Variants in SPTBN1 observed in about 807,000 individuals in gnomAD.
SPTBN1 encodes spectrin beta, non-erythrocytic 1.
A neutral mutation model predicts 266.4 loss-of-function variants in SPTBN1; 32 were observed. That is an observed-to-expected ratio of 0.12 (90% CI 0.09 to 0.16). The LOEUF is 0.16. Among genes scored for constraint, SPTBN1 ranks in the 10% least tolerant of loss-of-function variants. SPTBN1 has a pLI of 1.00. For missense variants in SPTBN1, 2,296 were observed against 3,067.1 expected, an observed-to-expected ratio of 0.75 and a Z score of 5.94; for synonymous variants, 1,336 against 1,162.2, an observed-to-expected ratio of 1.15 and a Z score of -3.04.
At chr2:54,553,740 A>G (rs1672708257) in intron 2 of SPTBN1, among the ~76,000 whole-genome samples, 1 of 152,228 alleles carries the variant, frequency 6.6e-6, no homozygotes, top group Non-Finnish European at 1.5e-5. Flanking sequence ...TACAAATCCC[A>G]TCACATTTTG....
intron 18 of SPTBN1, among the ~76,000 whole-genome samples, chr2:54,642,529 G>GTTTGTT (rs1553349791): frequency 9.5e-4 from 88 of 92,310 alleles, no homozygotes; most frequent in African/African-American, 2.4e-3. Context: ...TAAATAAGTA[G>GTTTGTT]TTTTTTTTTT....
At chr2:54,584,659 C>T (rs972907831) in intron 2 of SPTBN1, among the ~76,000 whole-genome samples, 6 of 152,192 alleles carry the variant, frequency 3.9e-5, no homozygotes, top group Admixed American at 1.3e-4. Context: ...CCTTCCCACC[C>T]AGATCCAAGA....
chr2:54,573,256 A>C (rs989307042), intron 2 of SPTBN1, among the ~76,000 whole-genome samples: 1 of 152,160 alleles, frequency 6.6e-6, no homozygotes, highest in Admixed American at 6.5e-5. Context: ...GGTTTTGTAG[A>C]AGACAATTTT....
At chr2:54,639,279 A>G (rs1352303729) in intron 18 of SPTBN1, among the ~76,000 whole-genome samples, 1 of 152,152 alleles carries the variant, frequency 6.6e-6, no homozygotes, top group East Asian at 1.9e-4. Flanking sequence ...CACTGGAGGG[A>G]GTAAAAGGGA....
chr2:54,640,843 C>T (rs1383535697), intron 18 of SPTBN1, among the ~76,000 whole-genome samples: 4 of 152,208 alleles, frequency 2.6e-5, no homozygotes, highest in South Asian at 2.1e-4. Flanking sequence ...TGGGCCACCA[C>T]GCCTGGCCGG....
At chr2:54,582,828 G>T (rs1350359255) in intron 2 of SPTBN1, among the ~76,000 whole-genome samples, 1 of 152,128 alleles carries the variant, frequency 6.6e-6, no homozygotes, top group African/African-American at 2.4e-5. Flanking sequence ...CAAACTGCTG[G>T]GACTGTGCTT....
At position 54,670,302 on chromosome 2, in the gene SPTBN1, T is replaced by A; in HGVS notation, c.*1733T>A. 6 of 158,438 alleles carry A rather than the reference T, an allele frequency of 3.8e-5. No individual in the cohort carries two copies. The highest frequency in any genetic ancestry group is 5.5e-5 in the Non-Finnish European group (4 of 72,548). 9.8% of individuals were successfully genotyped at this position (158,438 alleles called of 1,614,324 possible). A position where few individuals can be genotyped will look rare whatever the true frequency, so the allele number is the denominator to read the frequency against. ...AGTCGTGGGTTATTTACAAGTGACATACTTTTCCTGGGTTATCTGGGTATG... is the reference window on the plus strand; with the variant it reads ...AGTCGTGGGTTATTTACAAGTGACAAACTTTTCCTGGGTTATCTGGGTATG... On this transcript the variant is annotated 3_prime_UTR_variant, in exon 36 of 36. Transcript: ENST00000356805.
chr2:54,603,909 C>G (rs552927005), intron 3 of SPTBN1, among the ~76,000 whole-genome samples: 15 of 152,322 alleles, frequency 9.8e-5, no homozygotes, highest in African/African-American at 3.4e-4. Flanking sequence ...TTCACCTGAA[C>G]AAGAGATTGG....
intron 26 of SPTBN1, among the ~76,000 whole-genome samples, chr2:54,652,024 C>T (rs1314271026): frequency 6.6e-6 from 1 of 152,142 alleles, no homozygotes; most frequent in African/African-American, 2.4e-5. Context: ...TTTTACCCCA[C>T]TTAGCATTTC....
At chr2:54,559,906 AGG>A (rs963285178) in intron 2 of SPTBN1, among the ~76,000 whole-genome samples, 2 of 152,110 alleles carry the variant, frequency 1.3e-5, no homozygotes, top group Non-Finnish European at 1.5e-5. Flanking sequence ...CATTGGGAAG[AGG>A]GGGGAGGATG....
chr2:54,563,522 T>G (rs1258830383), intron 2 of SPTBN1, among the ~76,000 whole-genome samples: 1 of 152,018 alleles, frequency 6.6e-6, no homozygotes, highest in Non-Finnish European at 1.5e-5. Context: ...ATTTCTTAAT[T>G]TTTTAAATTT....
chr2:54,666,115 C>T, intron 34 of SPTBN1, 27 bp downstream of exon 34: 1 of 1,589,628 alleles, frequency 6.3e-7, no homozygotes, highest in South Asian at 1.1e-5. Flanking sequence ...TTCATGGCTG[C>T]CAGAGTGGGT....
Position 54,558,901 on chromosome 2 carries a change from C to G in SPTBN1, c.148+32335C>G. On this transcript the variant is annotated intron_variant, in intron 2 of 35. Transcript: ENST00000356805. The surrounding 1 kb of genome is among the most constrained non-coding windows in gnomAD (Gnocchi z 4.6). ...AGCAGCTGCAAGGTAAGCCCCCTCC[C>G]AAAGGCCGGGCCTGTCCTGGGTGCC... 1.2e-6 allele frequency: 2 copies of G among 1,611,784 alleles called. No individual in the cohort carries two copies. Among genetic ancestry groups the G allele is most frequent in the South Asian group, 2.2e-5 (2 of 90,784 alleles).
chr2:54,573,997 C>T (rs970164156), intron 2 of SPTBN1, among the ~76,000 whole-genome samples: 1 of 151,998 alleles, frequency 6.6e-6, no homozygotes. Context: ...GCATGAACCC[C>T]GTATGGAAAA....
chr2:54,618,719 G>C (rs56695142), intron 7 of SPTBN1, among the ~76,000 whole-genome samples: 4,997 of 152,268 alleles, frequency 0.033, 216 homozygotes, highest in African/African-American at 0.092. Flanking sequence ...TGCAGGCAGG[G>C]GCCTTGTTAG....
At chr2:54,581,157 ATC>A (rs1295617443) in intron 2 of SPTBN1, among the ~76,000 whole-genome samples, 1 of 152,150 alleles carries the variant, frequency 6.6e-6, no homozygotes, top group African/African-American at 2.4e-5. Context: ...TTTATATATA[ATC>A]TCATACAACA....
chr2:54,670,796 G>A lies in SPTBN1; in HGVS notation c.*2227G>A. ...GTTTGGTGGTATTTGCTCTCTCTTG[G>A]TGCATTTGATAAGGATCCACTGAGG... On this transcript the variant is annotated 3_prime_UTR_variant, in exon 36 of 36. Coordinates refer to ENST00000356805, the MANE Select transcript of SPTBN1 (RefSeq NM_003128.3). 2.5e-6 allele frequency: 1 copy of A among 398,546 alleles called. No individual in the cohort carries two copies. 24.7% of individuals were successfully genotyped at this position (398,546 alleles called of 1,614,324 possible).
chr2:54,499,395 A>T (rs755426290), intron 1 of SPTBN1, among the ~76,000 whole-genome samples: 5 of 152,204 alleles, frequency 3.3e-5, no homozygotes, highest in African/African-American at 4.8e-5. Context: ...TTCAGCCCCA[A>T]CATTCATGTA....
intron 2 of SPTBN1, among the ~76,000 whole-genome samples, chr2:54,563,222 GC>G (rs749360370): frequency 6.6e-6 from 1 of 152,176 alleles, no homozygotes; most frequent in Non-Finnish European, 1.5e-5. Flanking sequence ...CTGCCAACCT[GC>G]CCCTGGAGAA....
Sources: allele counts gnomAD v4.1 joint callset (sites outside exome capture counted in the v4.1 genomes callset), GRCh38; gene constraint gnomAD v4.1.1; non-coding constraint Gnocchi (gnomAD v3.1); transcripts MANE v1.5; gene names NCBI Gene and HGNC (gene_info 2026-07-23, HGNC 2026-07-21).